Variants in IL1RAPL2 observed in about 807,000 individuals in gnomAD.
IL1RAPL2 encodes the protein X-linked interleukin-1 receptor accessory protein-like 2.
IL1RAPL2 carries 3 observed loss-of-function variants against 44.1 expected under a neutral mutation model. The observed-to-expected ratio is 0.07, with a 90% CI of 0.03 to 0.18. IL1RAPL2 has a LOEUF of 0.18. Among genes scored for constraint, IL1RAPL2 ranks in the 10% least tolerant of loss-of-function variants. The pLI is 1.00. For missense variants in IL1RAPL2, 391 were observed against 496.4 expected, an observed-to-expected ratio of 0.79 and a Z score of 2.02; for synonymous variants, 181 against 178.8, an observed-to-expected ratio of 1.01 and a Z score of -0.10.
chrX:105,490,847 A>G (rs1416223994), intron 6 of IL1RAPL2, among the ~76,000 whole-genome samples: 2 of 112,075 alleles, frequency 1.8e-5, no homozygotes, highest in Non-Finnish European at 3.8e-5. Context: ...TTGCATCGCA[A>G]TATGAGAACT....
chrX:104,919,880 A>G (rs189894082), intron 2 of IL1RAPL2, among the ~76,000 whole-genome samples: 310 of 110,284 alleles, frequency 2.8e-3, no homozygotes, highest in African/African-American at 1.0e-2. Context: ...GTAGGGACTA[A>G]TTCTGTTTGG....
chrX:105,009,079 T>C (rs1347200574), intron 2 of IL1RAPL2, among the ~76,000 whole-genome samples: 7 of 110,310 alleles, frequency 6.3e-5, no homozygotes, highest in East Asian at 2.9e-4. Flanking sequence ...GAATGGCGAG[T>C]ATTAAAAAGT....
chrX:104,994,435 T>A (rs2030714541), intron 2 of IL1RAPL2, among the ~76,000 whole-genome samples: 1 of 111,885 alleles, frequency 8.9e-6, no homozygotes, highest in African/African-American at 3.2e-5. Flanking sequence ...TTAACTTGAT[T>A]GTGATGTGAG....
chrX:105,006,624 G>C (rs779696704), intron 2 of IL1RAPL2, among the ~76,000 whole-genome samples: 1 of 110,152 alleles, frequency 9.1e-6, no homozygotes, highest in Non-Finnish European at 1.9e-5. Context: ...GTAAGTCTCA[G>C]GCAATTACTG....
intron 3 of IL1RAPL2, among the ~76,000 whole-genome samples, chrX:105,230,358 T>C (rs1237434318): frequency 1.8e-5 from 2 of 110,650 alleles, no homozygotes; most frequent in Admixed American, 9.8e-5. Flanking sequence ...CCCAGCAGAC[T>C]GTTTTAACCC....
intron 2 of IL1RAPL2, among the ~76,000 whole-genome samples, chrX:105,037,410 A>T (rs936121254): frequency 9.9e-5 from 11 of 111,426 alleles, no homozygotes; most frequent in Non-Finnish European, 2.1e-4. Flanking sequence ...ACAGGGGGAC[A>T]ACAATGCCAG....
intron 5 of IL1RAPL2, among the ~76,000 whole-genome samples, chrX:105,279,104 A>G (rs1241523646): frequency 5.0e-5 from 3 of 60,506 alleles, no homozygotes; most frequent in Non-Finnish European, 1.1e-4. Context: ...TGTAGCACCA[A>G]TTACATTAGG....
At chrX:104,845,598 T>C (rs1178781545) in intron 2 of IL1RAPL2, among the ~76,000 whole-genome samples, 1 of 112,035 alleles carries the variant, frequency 8.9e-6, no homozygotes, top group Admixed American at 9.5e-5. Context: ...GGGCAGATTG[T>C]CTCATGGAAA....
At chrX:104,917,037 G>C (rs976779117) in intron 2 of IL1RAPL2, among the ~76,000 whole-genome samples, 4 of 111,313 alleles carry the variant, frequency 3.6e-5, no homozygotes, top group Admixed American at 9.5e-5. Context: ...TCTCTTTTTT[G>C]GTTGTGTCTC....
intron 2 of IL1RAPL2, among the ~76,000 whole-genome samples, chrX:105,085,684 G>A (rs1043786195): frequency 1.7e-4 from 19 of 111,563 alleles, no homozygotes; most frequent in African/African-American, 4.9e-4. Context: ...ACAGTTAACC[G>A]TTGAACAACA....
intron 5 of IL1RAPL2, among the ~76,000 whole-genome samples, chrX:105,304,023 C>A (rs1387275888): frequency 8.9e-6 from 1 of 112,921 alleles, no homozygotes; most frequent in East Asian, 2.8e-4. Flanking sequence ...CCAGGGACAG[C>A]CCCTGGTTTA....
intron 1 of IL1RAPL2, among the ~76,000 whole-genome samples, chrX:104,568,639 C>G (rs1262320254): frequency 8.9e-6 from 1 of 111,924 alleles, no homozygotes; most frequent in Non-Finnish European, 1.9e-5. Flanking sequence ...AGCAGGGTCT[C>G]GGATACTTAG....
chrX:105,187,457 T>C (rs1421249096), intron 2 of IL1RAPL2, among the ~76,000 whole-genome samples: 1 of 111,795 alleles, frequency 8.9e-6, no homozygotes, highest in African/African-American at 3.3e-5. Context: ...AAACAGATTG[T>C]GTTGGCAAGG....
chrX:105,614,160 A>G (rs1158502084), intron 6 of IL1RAPL2, among the ~76,000 whole-genome samples: 3 of 111,984 alleles, frequency 2.7e-5, no homozygotes, highest in Admixed American at 9.4e-5. Flanking sequence ...ACTATAAAAC[A>G]TTGATGCAAG....
At chrX:104,883,672 A>G (rs918751043) in intron 2 of IL1RAPL2, among the ~76,000 whole-genome samples, 3 of 111,072 alleles carry the variant, frequency 2.7e-5, no homozygotes, top group Non-Finnish European at 5.7e-5. Context: ...TTCTCCTATA[A>G]GAATGATTTC....
intron 6 of IL1RAPL2, among the ~76,000 whole-genome samples, chrX:105,620,840 C>T (rs1456854382): frequency 3.6e-5 from 4 of 111,400 alleles, no homozygotes; most frequent in Non-Finnish European, 5.7e-5. Context: ...CTTTTTAAAG[C>T]GGTCATCTTT....
At chrX:105,446,808 G>A (rs1474321808) in intron 5 of IL1RAPL2, among the ~76,000 whole-genome samples, 2 of 107,472 alleles carry the variant, frequency 1.9e-5, no homozygotes, top group African/African-American at 6.7e-5. Context: ...TTCTACTTAA[G>A]TGAAGAGTAG....
intron 6 of IL1RAPL2, among the ~76,000 whole-genome samples, chrX:105,544,527 T>A (rs2036774120): frequency 9.0e-6 from 1 of 111,557 alleles, no homozygotes; most frequent in Admixed American, 9.6e-5. Context: ...AGAGTCAGTA[T>A]GGTTACTGGC....
At chrX:104,697,128 A>C (rs1441007428) in intron 2 of IL1RAPL2, among the ~76,000 whole-genome samples, 1 of 112,815 alleles carries the variant, frequency 8.9e-6, no homozygotes, top group Non-Finnish European at 1.9e-5. Context: ...CATTTAAGAC[A>C]GAATTCAATT....
Sources: allele counts gnomAD v4.1 joint callset (sites outside exome capture counted in the v4.1 genomes callset), GRCh38; gene constraint gnomAD v4.1.1; transcripts MANE v1.5; gene names NCBI Gene and HGNC (gene_info 2026-07-23, HGNC 2026-07-21).